CALN1: variants seen among roughly 807,000 people sequenced by gnomAD.
CALN1 encodes calcium-binding protein 8.
CALN1 carries 17 observed loss-of-function variants against 30.6 expected under a neutral mutation model. That is an observed-to-expected ratio of 0.56 (90% CI 0.38 to 0.83). CALN1 has a LOEUF of 0.83. CALN1 is among the 40% of genes least tolerant of loss of function. The pLI, the probability that CALN1 is intolerant of heterozygous loss-of-function variation, is 0.00. For missense variants in CALN1, 291 were observed against 354.9 expected, an observed-to-expected ratio of 0.82 and a Z score of 1.45; for synonymous variants, 156 against 131.4, an observed-to-expected ratio of 1.19 and a Z score of -1.28.
intron 3 of CALN1, among the ~76,000 whole-genome samples, chr7:72,154,906 A>C (rs939923495): frequency 7.0e-6 from 1 of 142,658 alleles, no homozygotes; most frequent in Non-Finnish European, 1.5e-5. Flanking sequence ...TTTTTTTTTT[A>C]ATTAGCTGGG....
intron 5 of CALN1, among the ~76,000 whole-genome samples, chr7:71,819,616 C>T (rs1298252467): frequency 3.9e-5 from 6 of 152,150 alleles, no homozygotes; most frequent in Admixed American, 2.0e-4. Context: ...AAACTTTGTA[C>T]ACTATTATTA....
chr7:72,111,305 A>G (rs1262210466), intron 3 of CALN1, among the ~76,000 whole-genome samples: 1 of 152,236 alleles, frequency 6.6e-6, no homozygotes, highest in Non-Finnish European at 1.5e-5. Context: ...AGTCTCTGCA[A>G]GCATATGGAG....
At chr7:72,425,596 A>G (rs1322106151) in intron 1 of CALN1, among the ~76,000 whole-genome samples, 1 of 152,204 alleles carries the variant, frequency 6.6e-6, no homozygotes, top group Non-Finnish European at 1.5e-5. Context: ...AGTATACCTC[A>G]TCGTTACTAT....
intron 1 of CALN1, among the ~76,000 whole-genome samples, chr7:72,441,984 C>G (rs1339219265): frequency 6.6e-6 from 1 of 152,120 alleles, no homozygotes; most frequent in Non-Finnish European, 1.5e-5. Context: ...GACTCCTGCT[C>G]TCCTCCCAAA....
intron 2 of CALN1, among the ~76,000 whole-genome samples, chr7:72,363,820 T>C (rs1301635248): frequency 2.1e-5 from 3 of 146,118 alleles, no homozygotes; most frequent in East Asian, 2.1e-4. Context: ...CCCCGCCTCC[T>C]GGGTTCAAGT....
chr7:72,228,822 T>C (rs1424137818), intron 3 of CALN1, among the ~76,000 whole-genome samples: 2 of 151,646 alleles, frequency 1.3e-5, no homozygotes, highest in Non-Finnish European at 2.9e-5. Flanking sequence ...AGTGCACTGA[T>C]GCAATCATAG....
At chr7:72,375,567 G>A (rs1489018628) in intron 2 of CALN1, among the ~76,000 whole-genome samples, 5 of 44,686 alleles carry the variant, frequency 1.1e-4, no homozygotes, top group East Asian at 3.5e-4. Context: ...CCTGCCTCCA[G>A]GAAAAAAAAA....
chr7:71,867,186 T>C (rs1371080443), intron 5 of CALN1, among the ~76,000 whole-genome samples: 3 of 150,986 alleles, frequency 2.0e-5, no homozygotes, highest in African/African-American at 4.9e-5. Context: ...ATTACTCAAA[T>C]TGATAGAGTA....
At chr7:72,111,090 GTATC>G (rs1290722761) in intron 3 of CALN1, among the ~76,000 whole-genome samples, 2 of 152,176 alleles carry the variant, frequency 1.3e-5, no homozygotes, top group Non-Finnish European at 2.9e-5. Context: ...TGAGCACGCT[GTATC>G]TTTGGTCTTT....
At chr7:72,237,721 C>T (rs1204942652) in intron 3 of CALN1, among the ~76,000 whole-genome samples, 1 of 152,170 alleles carries the variant, frequency 6.6e-6, no homozygotes. Context: ...AAATGACCAA[C>T]ACAAAAGCAA....
chr7:71,962,227 TAA>T (rs11355636), intron 5 of CALN1, among the ~76,000 whole-genome samples: 1,827 of 137,312 alleles, frequency 0.013, 31 homozygotes, highest in African/African-American at 0.042. Flanking sequence ...ACCCCATCTC[TAA>T]AAAAAAAAAA....
At chr7:71,927,912 GCCTGGGTCAAA>G (rs924059169) in intron 5 of CALN1, among the ~76,000 whole-genome samples, 2 of 152,276 alleles carry the variant, frequency 1.3e-5, no homozygotes, top group African/African-American at 4.8e-5. Flanking sequence ...ATCTTTAATG[GCCTGGGTCAAA>G]CACCCAGGAA....
intron 5 of CALN1, among the ~76,000 whole-genome samples, chr7:71,889,628 C>A (rs1395117855): frequency 6.6e-6 from 1 of 152,072 alleles, no homozygotes; most frequent in Non-Finnish European, 1.5e-5. Flanking sequence ...ATTCCAACCC[C>A]ACACCATGGA....
intron 3 of CALN1, among the ~76,000 whole-genome samples, chr7:72,165,907 A>T (rs762751339): frequency 2.6e-5 from 4 of 152,270 alleles, no homozygotes; most frequent in Non-Finnish European, 5.9e-5. Flanking sequence ...TGTTGCCAAG[A>T]AACTGCACCA....
rs1007546460 is a variant in CALN1 at position 71,780,579 on chromosome 7, G to A, written c.*7196C>T. The A allele has an allele frequency of 9.9e-5, 15 of 151,768 alleles. No homozygotes were observed. The highest frequency in any genetic ancestry group is 1.5e-4 in the Non-Finnish European group (10 of 67,966). 9.4% of individuals were successfully genotyped at this position (151,768 alleles called of 1,614,324 possible). ...GGCTGTCGCAGGTAGCCGGTCCCCC[G>A]CGACTGTTAATCTAATTCCTCACAA... On this transcript the variant is annotated 3_prime_UTR_variant, in exon 7 of 7. Transcript: ENST00000395275.
rs148974753 is a variant in CALN1 at position 72,166,818 on chromosome 7, G to T, written c.245-60524C>A. Among the ~76,000 whole-genome samples, 457 of 152,224 alleles carry T rather than the reference G, an allele frequency of 3.0e-3. 1 individual carries two copies. Among genetic ancestry groups the T allele is most frequent in the African/African-American group, 0.011 (442 of 41,538 alleles). Reference sequence around the variant, plus strand: ...AGCACTTTGGGAGGCCAAGGTGGGTGGATCATTTGAGGCCAGGAGTTCAAG... The same window carrying T: ...AGCACTTTGGGAGGCCAAGGTGGGTTGATCATTTGAGGCCAGGAGTTCAAG... On this transcript the variant is annotated intron_variant, in intron 3 of 6. Coordinates refer to ENST00000395275, the MANE Select transcript of CALN1 (RefSeq NM_031468.4).
intron 5 of CALN1, among the ~76,000 whole-genome samples, chr7:72,019,263 GC>G (rs1321230331): frequency 1.3e-5 from 2 of 152,094 alleles, no homozygotes; most frequent in Non-Finnish European, 2.9e-5. Context: ...AGAAACCCAA[GC>G]CTGGGGAAAA....
chr7:72,310,740 C>CA (rs1433015815), intron 2 of CALN1, among the ~76,000 whole-genome samples: 2 of 151,432 alleles, frequency 1.3e-5, no homozygotes, highest in Non-Finnish European at 2.9e-5. Context: ...CCTATCTCTA[C>CA]AAAAAATACA....
intron 2 of CALN1, among the ~76,000 whole-genome samples, chr7:72,297,696 C>G (rs1419697706): frequency 6.6e-6 from 1 of 152,104 alleles, no homozygotes. Context: ...AAAAATACAC[C>G]TCCGTAAGAG....
Sources: allele counts gnomAD v4.1 joint callset (sites outside exome capture counted in the v4.1 genomes callset), GRCh38; gene constraint gnomAD v4.1.1; transcripts MANE v1.5; gene names NCBI Gene and HGNC (gene_info 2026-07-23, HGNC 2026-07-21).